The following MYLK4 variants were observed in gnomAD, a reference collection of about 807,000 sequenced individuals.
The protein encoded by MYLK4 is myosin light chain kinase family member 4.
A neutral mutation model predicts 48.1 loss-of-function variants in MYLK4; 46 were observed. The observed-to-expected ratio is 0.96, with a 90% confidence interval of 0.75 to 1.22. The LOEUF is 1.22. MYLK4 is among the 50% of genes most tolerant of loss of function. MYLK4 has a pLI of 0.00. For synonymous variants in MYLK4, 170 were observed against 180.8 expected, an observed-to-expected ratio of 0.94 and a Z score of 0.48; for missense variants, 451 against 486.1, an observed-to-expected ratio of 0.93 and a Z score of 0.68.
intron 6 of MYLK4, among the ~76,000 whole-genome samples, chr6:2,684,747 TA>T (rs1227063173): frequency 6.6e-6 from 1 of 152,234 alleles, no homozygotes; most frequent in Non-Finnish European, 1.5e-5. Context: ...GGGATAGGCA[TA>T]AGTTATATGC....
Position 2,694,501 on chromosome 6 carries a change from T to TGGC in MYLK4, c.160-1643_160-1642insGCC, listed in dbSNP as rs1275967414. The stretch of plus-strand genomic sequence containing the variant: ...ATGATGGTAGTGGTCATGGTGGTGG[T>TGGC]GGTGGTGGTGGCGGTGGTGGTGGTG... On this transcript the variant is annotated intron_variant, in intron 2 of 12. Coordinates refer to ENST00000274643, the MANE Select transcript of MYLK4 (RefSeq NM_001012418.5). Among the ~76,000 whole-genome samples the TGGC allele has an allele frequency of 3.7e-3, 192 of 52,142 alleles. 33 individuals carry two copies. The highest frequency in any genetic ancestry group is 6.7e-3 in the Middle Eastern group (1 of 150). The allele number at this position is 52,142 out of a possible 152,430, so 34.2% of individuals were successfully genotyped here.
chr6:2,721,706 C>G (rs1763076525), intron 2 of MYLK4, among the ~76,000 whole-genome samples: 1 of 152,178 alleles, frequency 6.6e-6, no homozygotes, highest in South Asian at 2.1e-4. Flanking sequence ...CTGAACTTCC[C>G]TCCACTTACG....
chr6:2,701,016 T>G (rs4959200), intron 2 of MYLK4, among the ~76,000 whole-genome samples: 4 of 152,154 alleles, frequency 2.6e-5, no homozygotes, highest in Non-Finnish European at 5.9e-5. Context: ...ACTAAGAAAT[T>G]GAGAGCGTGA....
chr6:2,760,135 A>G, the MYLK4 span, among the ~76,000 whole-genome samples: 24 of 152,256 alleles, frequency 1.6e-4, no homozygotes, highest in African/African-American at 5.3e-4. Flanking sequence ...GCATATGTGC[A>G]TAGGTTACAA....
chr6:2,762,263 A>G, the MYLK4 span, among the ~76,000 whole-genome samples: 1 of 152,076 alleles, frequency 6.6e-6, no homozygotes, highest in Non-Finnish European at 1.5e-5. Flanking sequence ...ACTTTTGAAA[A>G]CCCTATTAAC....
upstream of MYLK4, among the ~76,000 whole-genome samples, chr6:2,755,860 G>T (rs1764418108): frequency 6.6e-6 from 1 of 152,074 alleles, no homozygotes; most frequent in African/African-American, 2.4e-5. Context: ...TTGGAACCAG[G>T]TTATACCTGA....
At chr6:2,676,587 T>C (rs1191218559) in intron 10 of MYLK4, among the ~76,000 whole-genome samples, 1 of 152,226 alleles carries the variant, frequency 6.6e-6, no homozygotes, top group African/African-American at 2.4e-5. Context: ...TATTCTATGA[T>C]AGTGGTGTTT....
chr6:2,766,548 T>G, the MYLK4 span: 1 of 1,407,884 alleles, frequency 7.1e-7, no homozygotes, highest in South Asian at 1.5e-5. Context: ...GCCGCCTGCC[T>G]CTCCTGGATA....
rs549928744 is a variant in MYLK4, at chr6:2,677,024, A to T, written c.1040+1196T>A. On this transcript the variant is annotated intron_variant, in intron 10 of 12. Transcript: ENST00000274643. Reference sequence around the variant, plus strand: ...TATTGTGCCTTTCCATCAAGGCACAATACTAGCCAAGGTTATTATTATTAT... The same window carrying T: ...TATTGTGCCTTTCCATCAAGGCACATTACTAGCCAAGGTTATTATTATTAT... Among the ~76,000 whole-genome samples the T allele has an allele frequency of 1.2e-4, 19 of 152,158 alleles. No homozygotes were observed. In the South Asian group the frequency reaches 3.5e-3, roughly 28 times the overall value.
chr6:2,725,589 A>AAGAAAGAAAAAGAAAG (rs1763236899), intron 2 of MYLK4, among the ~76,000 whole-genome samples: 19 of 145,252 alleles, frequency 1.3e-4, no homozygotes, highest in African/African-American at 4.5e-4. Flanking sequence ...AAGAAAGAGA[A>AAGAAAGAAAAAGAAAG]AGAAAGAAAG....
intron 2 of MYLK4, among the ~76,000 whole-genome samples, chr6:2,709,892 C>G (rs947660426): frequency 6.6e-6 from 1 of 152,190 alleles, no homozygotes; most frequent in African/African-American, 2.4e-5. Flanking sequence ...AATACTGTCT[C>G]TGTCCCCAAG....
the MYLK4 span, chr6:2,768,957 A>G: frequency 7.0e-7 from 1 of 1,421,208 alleles, no homozygotes; most frequent in Non-Finnish European, 9.5e-7. Context: ...CACTATACAA[A>G]CGCTAGAGAC....
the MYLK4 span, among the ~76,000 whole-genome samples, chr6:2,761,952 G>A: frequency 2.6e-5 from 4 of 151,964 alleles, no homozygotes; most frequent in Non-Finnish European, 5.9e-5. Context: ...TCGCTCTGTC[G>A]CCAGGCTGGA....
chr6:2,716,626 C>T (rs1461656), intron 2 of MYLK4, among the ~76,000 whole-genome samples: 27,474 of 152,112 alleles, frequency 0.18, 2,602 homozygotes, highest in Middle Eastern at 0.23. Context: ...CAGAAAACTC[C>T]TTACAACCTA....
intron 2 of MYLK4, among the ~76,000 whole-genome samples, chr6:2,746,040 C>A (rs1764079459): frequency 6.6e-6 from 1 of 151,692 alleles, no homozygotes; most frequent in East Asian, 1.9e-4. Context: ...ATCATGAGGT[C>A]AGGAGTTTGA....
At chr6:2,722,512 A>AGTGTGTGTGTGTGTGT (rs369339405) in intron 2 of MYLK4, among the ~76,000 whole-genome samples, 1 of 139,440 alleles carries the variant, frequency 7.2e-6, no homozygotes, top group South Asian at 2.5e-4. Context: ...ACATAAAAGG[A>AGTGTGTGTGTGTGTGT]GTGTGTGTGT....
At chr6:2,684,154 A>G (rs1367874945) in intron 6 of MYLK4, among the ~76,000 whole-genome samples, 1 of 152,210 alleles carries the variant, frequency 6.6e-6, no homozygotes, top group Non-Finnish European at 1.5e-5. Flanking sequence ...GCCATTATGA[A>G]GTCAAATGAT....
intron 2 of MYLK4, among the ~76,000 whole-genome samples, chr6:2,713,562 G>C (rs914092974): frequency 2.0e-5 from 3 of 152,128 alleles, no homozygotes; most frequent in Non-Finnish European, 4.4e-5. Context: ...GGTGAAATAG[G>C]AGTCGCATCC....
chr6:2,743,147 GA>G (rs1424477943), intron 2 of MYLK4, among the ~76,000 whole-genome samples: 1 of 152,174 alleles, frequency 6.6e-6, no homozygotes. Flanking sequence ...AAAAGTCTAG[GA>G]GGGGGTGGAT....
Sources: gnomAD v4.1 joint callset for allele counts (sites outside exome capture counted in the v4.1 genomes callset) on GRCh38, gnomAD v4.1.1 for gene constraint, MANE v1.5 for transcripts, NCBI Gene and HGNC (gene_info 2026-07-23, HGNC 2026-07-21) for gene names.